The following NTMT1 variants were observed in gnomAD, a reference collection of about 807,000 sequenced individuals.
NTMT1 encodes N-terminal RCC1 methyltransferase.
In NTMT1, 8 loss-of-function variants were observed where a neutral mutation model predicts 17.5. The ratio of observed to expected loss-of-function variants is 0.46; its 90% confidence interval spans 0.27 to 0.82. The LOEUF (loss-of-function observed/expected upper bound fraction) is 0.82, where lower values mean the gene tolerates loss of function less well. Ranked by LOEUF, NTMT1 falls within the 40% of genes least tolerant of loss-of-function variation. The probability of loss-of-function intolerance (pLI) is 0.15; values close to 1 mark genes in which losing one functional copy is unlikely to be tolerated. For missense variants in NTMT1, 221 were observed against 303.5 expected (o/e 0.73, Z 2.02); for synonymous variants, 128 against 126.8 (o/e 1.01, Z -0.06).
rs1008277255 is a variant in NTMT1 at position 129,635,609 on chromosome 9, CTCT to C, written c.*151_*153del. 51 of 1,061,020 alleles carry C rather than the reference CTCT, an allele frequency of 4.8e-5. No individual in the cohort carries two copies. The highest frequency in any genetic ancestry group is 6.7e-5 in the Non-Finnish European group (49 of 735,356). The allele number at this position is 1,061,020 out of a possible 1,614,324, so 65.7% of individuals were successfully genotyped here. On this transcript the variant is annotated 3_prime_UTR_variant, in exon 4 of 4. Transcript: ENST00000372483. ...GTCTGCCGTCCACTCATTATGCGGGCTCTTCTTCAAAAGGCAAGGTGGGACCCG... is the reference window on the plus strand; with the variant it reads ...GTCTGCCGTCCACTCATTATGCGGGCTCTTCAAAAGGCAAGGTGGGACCCG...
intron 1 of NTMT1, among the ~76,000 whole-genome samples, chr9:129,611,808 A>C (rs910569062): frequency 2.0e-5 from 3 of 152,062 alleles, no homozygotes; most frequent in Admixed American, 2.0e-4. Flanking sequence ...GCTGGAGTGC[A>C]GTGGCGGGAT....
In NTMT1 at chr9:129,626,200, GGCGGAGCT is replaced by G. The variant is rs1830881779; in HGVS notation, c.-145_-138del. 1 of 152,188 alleles carries G rather than the reference GGCGGAGCT, an allele frequency of 6.6e-6. No homozygotes were observed. Among genetic ancestry groups the G allele is most frequent in the African/African-American group, 2.4e-5 (1 of 41,450 alleles). The allele number at this position is 152,188 out of a possible 1,614,324, so 9.4% of individuals were successfully genotyped here. ...GAGCTGTCGCGTCTGGTCGTGGTCT[GGCGGAGCT>G]GCGGTTGGCTTGTGGCGTCTCCGCC... On this transcript the variant is annotated 5_prime_UTR_variant, in exon 1 of 4. Coordinates refer to ENST00000372483, the MANE Select transcript of NTMT1 (RefSeq NM_014064.4).
rs1362576463 is a variant in NTMT1, at chr9:129,613,304, C to T, written c.-55+4126C>T. 1.0e-5 allele frequency: 16 copies of T among 1,567,194 alleles called. No homozygotes were observed. The highest frequency in any genetic ancestry group is 1.4e-5 in the Non-Finnish European group (16 of 1,155,402). ...CCTGGACTCTGAGTCCCCGGCCCAC[C>T]CATGGCTGGCAGGGCCCTTGAGGAC... On this transcript the variant is annotated intron_variant, in intron 1 of 3. Coordinates refer to the NTMT1 transcript ENST00000372486. The surrounding 1 kb of genome is among the most constrained non-coding windows in gnomAD (Gnocchi z 6.2).
chr9:129,611,905 A>G (rs1323296008), intron 1 of NTMT1, among the ~76,000 whole-genome samples: 3 of 151,534 alleles, frequency 2.0e-5, no homozygotes, highest in Non-Finnish European at 4.4e-5. Context: ...GGCGTGGAGC[A>G]CCACGCCCAG....
chr9:129,632,337 C>G (rs151217792), intron 1 of NTMT1, among the ~76,000 whole-genome samples: 5 of 152,080 alleles, frequency 3.3e-5, no homozygotes, highest in African/African-American at 1.2e-4. Flanking sequence ...CTAGCTGCTC[C>G]GGAGGGTGAG....
At chr9:129,623,055 C>T (rs192062813), upstream of NTMT1, among the ~76,000 whole-genome samples, 219 of 147,716 alleles carry the variant, frequency 1.5e-3, 1 homozygote, top group African/African-American at 4.8e-3. Flanking sequence ...AAGAAAGAGC[C>T]GGGCACGGTG....
In NTMT1 at chr9:129,634,295, A is replaced by G. The variant is rs1319796337; in HGVS notation, c.404A>G (p.Gln135Arg). The change falls in exon 3 of 4, where the codon CAG becomes CGG. Residue 135 changes from glutamine (Q) to arginine (R), a missense_variant. Transcript: ENST00000372483. ...EPDSYDVIWI[Q>R]WVIGHLTDQH... is the part of the protein sequence containing the mutation. The stretch of plus-strand genomic sequence containing the variant: ...GACTCTTACGACGTGATCTGGATCC[A>G]GTGGGTGATAGGTGAGGGTTCCACC... The G allele has an allele frequency of 6.2e-7, 1 of 1,602,228 alleles. No homozygotes were observed. The highest frequency in any genetic ancestry group is 8.5e-7 in the Non-Finnish European group (1 of 1,172,696).
intron 1 of NTMT1, chr9:129,612,179 C>T (rs1021658053): frequency 2.3e-5 from 14 of 610,528 alleles, no homozygotes; most frequent in Non-Finnish European, 3.8e-5. Context: ...CCATCCCCTT[C>T]CTTCCAGGAA....
chr9:129,624,893 G>C (rs1010785651), upstream of NTMT1, among the ~76,000 whole-genome samples: 5 of 152,210 alleles, frequency 3.3e-5, no homozygotes, highest in Non-Finnish European at 7.3e-5. Flanking sequence ...CTCCCAAAAT[G>C]CTGGGATTAG....
At chr9:129,635,014 CCT>C (rs1831446456) in intron 3 of NTMT1, 192 bp from the exon 4 acceptor site, 2 of 651,414 alleles carry the variant, frequency 3.1e-6, no homozygotes, top group South Asian at 4.0e-5. Context: ...AGGTAGATGA[CCT>C]CTGAGCCACA....
chr9:129,615,034 G>A (rs979830599), intron 1 of NTMT1, among the ~76,000 whole-genome samples: 6 of 152,240 alleles, frequency 3.9e-5, no homozygotes, highest in African/African-American at 1.2e-4. Context: ...GAAAGTTTCC[G>A]CTTCGCGGCT....
intron 3 of NTMT1, 178 bp downstream of exon 3, chr9:129,634,484 TA>T: frequency 1.8e-6 from 1 of 541,476 alleles, no homozygotes; most frequent in African/African-American, 2.2e-5. Flanking sequence ...AGGCTCGGCC[TA>T]AAAGGTAGAT....
chr9:129,623,529 G>A (rs1322879827), upstream of NTMT1, among the ~76,000 whole-genome samples: 1 of 152,192 alleles, frequency 6.6e-6, no homozygotes, highest in African/African-American at 2.4e-5. Flanking sequence ...GCTGGGGTGG[G>A]AGACAGAGGT....
chr9:129,622,349 C>T (rs139800661), upstream of NTMT1, among the ~76,000 whole-genome samples: 517 of 152,240 alleles, frequency 3.4e-3, 1 homozygote, highest in Non-Finnish European at 4.9e-3. Context: ...CAAAATTTGC[C>T]ATGCATGGTG....
chr9:129,620,581 C>A lies in NTMT1; in HGVS notation c.-55+11403C>A. On this transcript the variant is annotated intron_variant, in intron 1 of 3. Transcript: ENST00000372486. The surrounding 1 kb of genome is among the most constrained non-coding windows in gnomAD (Gnocchi z 5.8). ...GAAGTCGACGCCAGAACATGCTTGGCCCCGCACTCAGCTCACCGCACCCTC... is the reference window on the plus strand; with the variant it reads ...GAAGTCGACGCCAGAACATGCTTGGACCCGCACTCAGCTCACCGCACCCTC... 7.5e-7 allele frequency: 1 copy of A among 1,340,918 alleles called. No individual in the cohort carries two copies. The highest frequency in any genetic ancestry group is 2.1e-5 in the South Asian group (1 of 48,316). The allele number at this position is 1,340,918 out of a possible 1,614,324, so 83.1% of individuals were successfully genotyped here. A position where few individuals can be genotyped will look rare whatever the true frequency, so the allele number is the denominator to read the frequency against.
In NTMT1 at chr9:129,632,759, A is replaced by C. The variant is rs981206365; in HGVS notation, c.56A>C (p.Tyr19Ser). 1 of 1,614,112 alleles carries C rather than the reference A, an allele frequency of 6.2e-7. No homozygotes were observed. Among genetic ancestry groups the C allele is most frequent in the African/African-American group, 1.3e-5 (1 of 74,938 alleles). ...EKQFYSKAKT[Y>S]WKQIPPTVDG... Reference sequence around the variant, plus strand: ...CAATTCTATTCCAAGGCCAAGACCTACTGGAAACAAATCCCACCCACGGTG... The same window carrying C: ...CAATTCTATTCCAAGGCCAAGACCTCCTGGAAACAAATCCCACCCACGGTG... The change falls in exon 2 of 4, where the codon TAC becomes TCC. Residue 19 changes from tyrosine (Y) to serine (S), a missense_variant. Coordinates refer to ENST00000372483, the MANE Select transcript of NTMT1 (RefSeq NM_014064.4).
In NTMT1 at chr9:129,634,152, G is replaced by A; in HGVS notation, c.261G>A (p.Val87=). Residue 87 remains valine, a synonymous_variant, in exon 3 of 4, where the codon GTG becomes GTA. Transcript: ENST00000372483. ...TGCTCCTGCCGCTGTTCAGAGAGGT[G>A]GATATGGTCGACATAACGGAGGACT... The part of the protein sequence containing the change: ...KRLLLPLFRE[V]DMVDITEDFL... 1 of 1,614,208 alleles carries A rather than the reference G, an allele frequency of 6.2e-7. No homozygotes were observed. The highest frequency in any genetic ancestry group is 1.1e-5 in the South Asian group (1 of 91,080).
chr9:129,620,604 C>T lies in NTMT1; in HGVS notation c.-55+11426C>T, dbSNP rs762464384. 1 of 1,311,290 alleles carries T rather than the reference C, an allele frequency of 7.6e-7. No individual in the cohort carries two copies. Among genetic ancestry groups the T allele is most frequent in the South Asian group, 2.5e-5 (1 of 40,132 alleles). The allele number at this position is 1,311,290 out of a possible 1,614,324, so 81.2% of individuals were successfully genotyped here. ...GGCCCCGCACTCAGCTCACCGCACC[C>T]TCAGCGCGCGTGGGTGGGGGGCGCC... On this transcript the variant is annotated intron_variant, in intron 1 of 3. Transcript: ENST00000372486. This position sits in a 1 kb window ranked among gnomAD's most constrained non-coding sequence, Gnocchi z 5.8.
intron 1 of NTMT1, among the ~76,000 whole-genome samples, chr9:129,629,022 C>G (rs1333503768): frequency 6.6e-6 from 1 of 152,176 alleles, no homozygotes; most frequent in Non-Finnish European, 1.5e-5. Context: ...TCCCAGCCAC[C>G]AAGTGTTTTT....
Sources: gnomAD v4.1 joint callset for allele counts (sites outside exome capture counted in the v4.1 genomes callset) on GRCh38, gnomAD v4.1.1 for gene constraint, Gnocchi (gnomAD v3.1) non-coding constraint, MANE v1.5 for transcripts, NCBI Gene and HGNC (gene_info 2026-07-23, HGNC 2026-07-21) for gene names.